Variants in DPYSL2 observed in about 807,000 individuals in gnomAD.
DPYSL2 encodes dihydropyrimidinase-related protein 2.
A neutral mutation model predicts 69.9 loss-of-function variants in DPYSL2; 13 were observed. The observed-to-expected ratio is 0.19, with a 90% CI of 0.12 to 0.30. The LOEUF (loss-of-function observed/expected upper bound fraction) is 0.30. Ranked by LOEUF, DPYSL2 falls within the 10% of genes least tolerant of loss-of-function variation. The probability of loss-of-function intolerance (pLI) is 1.00; values close to 1 mark genes in which losing one functional copy is unlikely to be tolerated. For synonymous variants in DPYSL2, 326 were observed against 359.1 expected (o/e 0.91, Z 1.04); for missense variants, 587 against 918.9 (o/e 0.64, Z 4.67).
chr8:26,592,387 C>T (rs764531367), intron 3 of DPYSL2, among the ~76,000 whole-genome samples: 18 of 151,652 alleles, frequency 1.2e-4, no homozygotes, highest in Admixed American at 8.5e-4. Context: ...TCTTGGCCTC[C>T]GTTGATCCTC....
rs948255229 is a variant in DPYSL2, at chr8:26,624,393, C to T, written c.793+86C>T. On this transcript the variant is annotated intron_variant, in intron 4 of 13. Transcript: ENST00000521913. This position sits in a 1 kb window ranked among gnomAD's most constrained non-coding sequence, Gnocchi z 4.7. ...CAGCCCTGGGAAGAAAGTGATAATG[C>T]TTCCAGATCCCATTTGTGCCTCATG... is the stretch of plus-strand genomic sequence containing the variant. 4.7e-6 allele frequency: 7 copies of T among 1,503,872 alleles called. No homozygotes were observed. The highest frequency in any genetic ancestry group is 6.3e-6 in the Non-Finnish European group (7 of 1,104,950). 93.2% of individuals were successfully genotyped at this position (1,503,872 alleles called of 1,614,324 possible). A position where few individuals can be genotyped will look rare whatever the true frequency, so the allele number is the denominator to read the frequency against.
chr8:26,568,603 T>G (rs11774816), intron 1 of DPYSL2, among the ~76,000 whole-genome samples: 15,707 of 152,202 alleles, frequency 0.1, 899 homozygotes, highest in Non-Finnish European at 0.12. Context: ...CCCCAAAGTG[T>G]CCTCTAGGGA....
intron 7 of DPYSL2, among the ~76,000 whole-genome samples, chr8:26,632,283 TAAG>T (rs1302121308): frequency 6.6e-6 from 1 of 152,106 alleles, no homozygotes. Context: ...GCAAAACAGA[TAAG>T]AAAGTGATCC....
chr8:26,597,809 A>G lies in DPYSL2; in HGVS notation c.628+13826A>G, dbSNP rs1801899793. 6.7e-6 allele frequency among the ~76,000 whole-genome samples: 1 copy of G among 149,098 alleles called. No individual in the cohort carries two copies. Among genetic ancestry groups the G allele is most frequent in the African/African-American group, 2.5e-5 (1 of 40,332 alleles). ...TTTTTTTTTTTTGAGGGGCAGAGAC[A>G]AGGAGGAAGATCAGACAATTTCTCA... On this transcript the variant is annotated intron_variant, in intron 3 of 13. Coordinates refer to ENST00000521913, the MANE Select transcript of DPYSL2 (RefSeq NM_001197293.3). The surrounding 1 kb of genome is among the most constrained non-coding windows in gnomAD (Gnocchi z 5.2).
chr8:26,594,169 G>C (rs12234932), intron 3 of DPYSL2, among the ~76,000 whole-genome samples: 68,287 of 151,992 alleles, frequency 0.45, 16,014 homozygotes, highest in East Asian at 0.74. Flanking sequence ...ATTTCCACAT[G>C]TGTAAAGTGG....
At chr8:26,655,501 A>C in intron 13 of DPYSL2, 114 bp from the exon 14 acceptor site, 1 of 966,338 alleles carries the variant, frequency 1.0e-6, no homozygotes, top group Non-Finnish European at 1.5e-6. Context: ...GTCTCCAAAA[A>C]AAAAGAATGC....
intron 1 of DPYSL2, among the ~76,000 whole-genome samples, chr8:26,519,975 C>T (rs978514432): frequency 6.6e-6 from 1 of 152,110 alleles, no homozygotes; most frequent in East Asian, 1.9e-4. Context: ...GCTGTGTCTC[C>T]ACCCAAATCT....
Position 26,571,868 on chromosome 8 carries a change from C to T in DPYSL2, c.355-10101C>T, listed in dbSNP as rs947992663. On this transcript the variant is annotated intron_variant, in intron 1 of 13. Transcript: ENST00000521913. The surrounding 1 kb of genome is among the most constrained non-coding windows in gnomAD (Gnocchi z 6.1). ...TCCGATCCAATCTGCAGTCTCTGAC[C>T]CTTCAGAGCTACACACACAAAGAAA... Among the ~76,000 whole-genome samples the T allele has an allele frequency of 7.2e-5, 11 of 152,172 alleles. No homozygotes were observed. Among genetic ancestry groups the T allele is most frequent in the Admixed American group, 5.2e-4 (8 of 15,274 alleles).
At position 26,591,862 on chromosome 8, in the gene DPYSL2, T is replaced by A. The variant is rs1197223202; in HGVS notation, c.628+7879T>A. The stretch of plus-strand genomic sequence containing the variant: ...GGCACTGCCTCCCCCTCTGCCCACC[T>A]CCCCTGCAAAGCTTGCAATGCGATT... On this transcript the variant is annotated intron_variant, in intron 3 of 13. Coordinates refer to ENST00000521913, the MANE Select transcript of DPYSL2 (RefSeq NM_001197293.3). The surrounding 1 kb of genome is among the most constrained non-coding windows in gnomAD (Gnocchi z 5.8). Among the ~76,000 whole-genome samples, 1 of 151,938 alleles carries A rather than the reference T, an allele frequency of 6.6e-6. No individual in the cohort carries two copies. The highest frequency in any genetic ancestry group is 1.9e-4 in the East Asian group (1 of 5,154).
chr8:26,552,580 A>G (rs996200314), intron 1 of DPYSL2, among the ~76,000 whole-genome samples: 1 of 152,194 alleles, frequency 6.6e-6, no homozygotes, highest in East Asian at 1.9e-4. Flanking sequence ...TGGGAAGTCC[A>G]AAGTCCATGT....
intron 1 of DPYSL2, among the ~76,000 whole-genome samples, chr8:26,554,769 T>A (rs903733925): frequency 2.6e-5 from 4 of 152,184 alleles, no homozygotes; most frequent in African/African-American, 9.7e-5. Flanking sequence ...TAATTCATTC[T>A]ATGAGGCCAA....
chr8:26,639,718 A>T (rs998276416), intron 8 of DPYSL2, among the ~76,000 whole-genome samples: 1 of 152,158 alleles, frequency 6.6e-6, no homozygotes, highest in Non-Finnish European at 1.5e-5. Context: ...TCTGCTACAC[A>T]CCCACCTAGA....
At chr8:26,622,769 A>G (rs1288437060) in intron 3 of DPYSL2, among the ~76,000 whole-genome samples, 1 of 152,144 alleles carries the variant, frequency 6.6e-6, no homozygotes, top group Non-Finnish European at 1.5e-5. Context: ...CCCAAAGTGC[A>G]ACGGCTATAT....
At chr8:26,592,867 A>G (rs1801774387) in intron 3 of DPYSL2, among the ~76,000 whole-genome samples, 2 of 151,944 alleles carry the variant, frequency 1.3e-5, no homozygotes, top group African/African-American at 4.8e-5. Context: ...ACCCCAAGTC[A>G]CCCATTAAGG....
At position 26,643,359 on chromosome 8, in the gene DPYSL2, G is replaced by A. The variant is rs1803094235; in HGVS notation, c.1127-80G>A. The A allele has an allele frequency of 4.8e-6, 7 of 1,457,316 alleles. No homozygotes were observed. Among genetic ancestry groups the A allele is most frequent in the South Asian group, 1.4e-5 (1 of 72,890 alleles). 90.3% of individuals were successfully genotyped at this position (1,457,316 alleles called of 1,614,324 possible). On this transcript the variant is annotated intron_variant, in intron 8 of 13. Transcript: ENST00000521913. This position sits in a 1 kb window ranked among gnomAD's most constrained non-coding sequence, Gnocchi z 6.5. ...TAGTGAGTGCACTGGGTGCTGCTGG[G>A]CAGGCAGTGGCTCCTCATAGGGGTG... is the stretch of plus-strand genomic sequence containing the variant.
chr8:26,535,042 T>A (rs1800569565), intron 1 of DPYSL2, among the ~76,000 whole-genome samples: 1 of 152,186 alleles, frequency 6.6e-6, no homozygotes, highest in Non-Finnish European at 1.5e-5. Flanking sequence ...CAAGCTGCCA[T>A]AAAAAATTGT....
rs1801238698 is a variant in DPYSL2 at position 26,571,595 on chromosome 8, AT to A, written c.355-10372del. 6.6e-6 allele frequency among the ~76,000 whole-genome samples: 1 copy of A among 152,166 alleles called. No individual in the cohort carries two copies. The highest frequency in any genetic ancestry group is 1.5e-5 in the Non-Finnish European group (1 of 68,028). On this transcript the variant is annotated intron_variant, in intron 1 of 13. Transcript: ENST00000521913. The surrounding 1 kb of genome is among the most constrained non-coding windows in gnomAD (Gnocchi z 6.1). The stretch of plus-strand genomic sequence containing the variant: ...ATAAGAGAAAGCCCGAGTCGACTAG[AT>A]TCTGTGAAGTGCATGCTTCCTCTGT...
At position 26,627,090 on chromosome 8, in the gene DPYSL2, G is replaced by T; in HGVS notation, c.856-125G>T. 1 of 840,150 alleles carries T rather than the reference G, an allele frequency of 1.2e-6. No homozygotes were observed. Among genetic ancestry groups the T allele is most frequent in the Non-Finnish European group, 1.9e-6 (1 of 513,952 alleles). 52.0% of individuals were successfully genotyped at this position (840,150 alleles called of 1,614,324 possible). A position where few individuals can be genotyped will look rare whatever the true frequency, so the allele number is the denominator to read the frequency against. ...CCCTCATCATATCAAAAAAAGTCAG[G>T]CTAATAGAATCGCCTAGGTGTCCTG... On this transcript the variant is annotated intron_variant, in intron 5 of 13. Coordinates refer to ENST00000521913, the MANE Select transcript of DPYSL2 (RefSeq NM_001197293.3). This position sits in a 1 kb window ranked among gnomAD's most constrained non-coding sequence, Gnocchi z 6.9.
At chr8:26,521,713 C>T (rs1808387998) in intron 1 of DPYSL2, among the ~76,000 whole-genome samples, 1 of 151,166 alleles carries the variant, frequency 6.6e-6, no homozygotes, top group Non-Finnish European at 1.5e-5. Context: ...CTGCATTCTG[C>T]TTTTTTTTTC....
Sources: gnomAD v4.1 joint callset for allele counts (sites outside exome capture counted in the v4.1 genomes callset) on GRCh38, gnomAD v4.1.1 for gene constraint, Gnocchi (gnomAD v3.1) non-coding constraint, MANE v1.5 for transcripts, NCBI Gene and HGNC (gene_info 2026-07-23, HGNC 2026-07-21) for gene names.